Variants in TMEM164 observed in about 807,000 individuals in gnomAD.
TMEM164 encodes RP13-360B22.2.
A neutral mutation model predicts 18.8 loss-of-function variants in TMEM164; 4 were observed. The ratio of observed to expected loss-of-function variants is 0.21; its 90% confidence interval spans 0.10 to 0.49. TMEM164 has a LOEUF of 0.49. Ranked by LOEUF, TMEM164 falls within the 20% of genes least tolerant of loss-of-function variation. The pLI is 0.98. For missense variants in TMEM164, 108 were observed against 239.9 expected, an observed-to-expected ratio of 0.45 and a Z score of 3.63; for synonymous variants, 86 against 101.7, an observed-to-expected ratio of 0.85 and a Z score of 0.93.
chrX:110,006,398 C>T (rs762846054), intron 2 of TMEM164, among the ~76,000 whole-genome samples: 6 of 110,640 alleles, frequency 5.4e-5, no homozygotes, highest in Admixed American at 9.6e-5. Flanking sequence ...AGAGCCATGC[C>T]GAGGAGTTCT....
chrX:110,112,326 C>T (rs762974890), intron 4 of TMEM164, among the ~76,000 whole-genome samples: 11 of 111,173 alleles, frequency 9.9e-5, no homozygotes, highest in African/African-American at 3.3e-4. Flanking sequence ...AGTGAGACTC[C>T]GCCTCCAAAT....
chrX:110,002,857 G>GGGGGGCCGGCTTTAGTCC (rs1932393314), upstream of TMEM164: 1 of 111,265 alleles, frequency 9.0e-6, no homozygotes, highest in East Asian at 2.9e-4. Context: ...GGAGGAGGGA[G>GGGGGGCCGGCTTTAGTCC]GGGGGCCGGC....
intron 2 of TMEM164, among the ~76,000 whole-genome samples, chrX:110,064,000 G>A (rs1224527848): frequency 1.8e-5 from 2 of 111,204 alleles, no homozygotes; most frequent in African/African-American, 6.6e-5. Context: ...GGGAGTTAAG[G>A]GACCTGGGCT....
chrX:110,080,566 G>A (rs773179460), intron 3 of TMEM164, among the ~76,000 whole-genome samples: 2 of 111,472 alleles, frequency 1.8e-5, no homozygotes, highest in Non-Finnish European at 3.8e-5. Flanking sequence ...CCTGATCCCT[G>A]GCAACCATGA....
chrX:110,105,020 C>T (rs2066166361), intron 3 of TMEM164, among the ~76,000 whole-genome samples: 1 of 111,797 alleles, frequency 8.9e-6, no homozygotes, highest in African/African-American at 3.3e-5. Flanking sequence ...TCTGCTTTCT[C>T]TGGACCTCCT....
At chrX:110,109,255 C>T (rs2066257746) in intron 4 of TMEM164, 109 bp downstream of exon 4, 2 of 725,854 alleles carry the variant, frequency 2.8e-6, no homozygotes, top group Non-Finnish European at 4.2e-6. Flanking sequence ...CGGTGGCTCA[C>T]ACCTGTAATC....
At chrX:110,060,183 C>A (rs1936044182) in intron 2 of TMEM164, among the ~76,000 whole-genome samples, 1 of 104,988 alleles carries the variant, frequency 9.5e-6, no homozygotes, top group Non-Finnish European at 1.9e-5. Flanking sequence ...GAGAGGATTG[C>A]TTGAGCCTAG....
intron 2 of TMEM164, among the ~76,000 whole-genome samples, chrX:110,004,728 C>T (rs1033626659): frequency 1.6e-4 from 18 of 112,268 alleles, no homozygotes; most frequent in African/African-American, 5.2e-4. Flanking sequence ...GGAGCAGCAC[C>T]AAGCTCCTAC....
chrX:110,157,990 G>A (rs887574793), intron 5 of TMEM164, among the ~76,000 whole-genome samples: 4 of 111,307 alleles, frequency 3.6e-5, no homozygotes, highest in African/African-American at 1.3e-4. Context: ...GGGTTTAAGC[G>A]ATTCTCCTGC....
At chrX:110,163,855 G>A (rs886408272) in intron 5 of TMEM164, among the ~76,000 whole-genome samples, 8 of 111,923 alleles carry the variant, frequency 7.1e-5, no homozygotes, top group African/African-American at 2.6e-4. Flanking sequence ...GGGAGCAGGG[G>A]AGTGAAGGAA....
At chrX:110,099,040 T>C (rs987223005) in intron 3 of TMEM164, among the ~76,000 whole-genome samples, 3 of 106,733 alleles carry the variant, frequency 2.8e-5, no homozygotes, top group East Asian at 2.9e-4. Flanking sequence ...CCTTGTGATC[T>C]GCCCACCTTG....
intron 2 of TMEM164, among the ~76,000 whole-genome samples, chrX:110,054,029 A>G (rs1935700188): frequency 8.9e-6 from 1 of 111,826 alleles, no homozygotes; most frequent in African/African-American, 3.3e-5. Flanking sequence ...AAATTATCTT[A>G]TGGTGGAGAC....
intron 2 of TMEM164, among the ~76,000 whole-genome samples, chrX:110,054,086 T>C (rs1262767999): frequency 1.8e-5 from 2 of 112,013 alleles, no homozygotes; most frequent in Non-Finnish European, 3.8e-5. Context: ...TCAGATAGTT[T>C]TGGGTTCCAG....
Position 110,097,633 on chromosome X carries a change from C to T in TMEM164, c.441-11447C>T, listed in dbSNP as rs768563255. 2.7e-5 allele frequency among the ~76,000 whole-genome samples: 3 copies of T among 111,965 alleles called. No homozygotes were observed. The South Asian group carries it at 1.1e-3, about 41-fold the overall frequency. ...AGTCAACTACTTTAGAGTAGAGGTT[C>T]CCCTTGTAGATGGTTGGGTGAGATG... On this transcript the variant is annotated intron_variant, in intron 3 of 6. Coordinates refer to ENST00000372068, the MANE Select transcript of TMEM164 (RefSeq NM_032227.4).
intron 3 of TMEM164, among the ~76,000 whole-genome samples, chrX:110,079,164 T>TTCCCG (rs1389022328): frequency 9.0e-6 from 1 of 111,594 alleles, no homozygotes; most frequent in Non-Finnish European, 1.9e-5. Flanking sequence ...GCCTAATGAT[T>TTCCCG]TCCCGTCGAA....
At chrX:110,168,157 C>T (rs1386366360) in intron 5 of TMEM164, among the ~76,000 whole-genome samples, 1 of 112,705 alleles carries the variant, frequency 8.9e-6, no homozygotes, top group African/African-American at 3.2e-5. Flanking sequence ...GAGTGGCAGC[C>T]TAAGCCCTTG....
intron 2 of TMEM164, among the ~76,000 whole-genome samples, chrX:110,015,714 G>A (rs1330622812): frequency 9.0e-6 from 1 of 111,308 alleles, no homozygotes; most frequent in Non-Finnish European, 1.9e-5. Flanking sequence ...TGCTTCATGT[G>A]GGTATTTCTA....
chrX:110,073,193 A>G lies in TMEM164; in HGVS notation c.440+5797A>G, dbSNP rs1044769466. ...ACTACAGGCACTAGCTGTGACACCT[A>G]GCTAGGTAATTATTTTAGTTTTTGT... On this transcript the variant is annotated intron_variant, in intron 3 of 6. Transcript: ENST00000372068. Among the ~76,000 whole-genome samples, 5 of 110,615 alleles carry G rather than the reference A, an allele frequency of 4.5e-5. No individual in the cohort carries two copies. The Admixed American group carries it at 4.8e-4, about 11-fold the overall frequency.
intron 2 of TMEM164, among the ~76,000 whole-genome samples, chrX:110,030,810 CAAAAA>C (rs58149863): frequency 2.9e-5 from 2 of 68,680 alleles, no homozygotes; most frequent in Admixed American, 1.8e-4. Flanking sequence ...GACTCTGTCT[CAAAAA>C]AAAAAAAAAA....
Sources: allele counts gnomAD v4.1 joint callset (sites outside exome capture counted in the v4.1 genomes callset), GRCh38; gene constraint gnomAD v4.1.1; transcripts MANE v1.5; gene names NCBI Gene and HGNC (gene_info 2026-07-23, HGNC 2026-07-21).